PTPRM: variants seen among roughly 807,000 people sequenced by gnomAD.
PTPRM encodes the protein receptor-type tyrosine-protein phosphatase mu.
PTPRM carries 47 observed loss-of-function variants against 186.7 expected under a neutral mutation model. The observed-to-expected ratio is 0.25, with a 90% CI of 0.20 to 0.32. The LOEUF (loss-of-function observed/expected upper bound fraction) is 0.32, where lower values mean the gene tolerates loss of function less well. Ranked by LOEUF, PTPRM falls within the 10% of genes least tolerant of loss-of-function variation. The pLI is 1.00. For synonymous variants in PTPRM, 668 were observed against 674.9 expected, an observed-to-expected ratio of 0.99 and a Z score of 0.16; for missense variants, 1,494 against 1,865.0, an observed-to-expected ratio of 0.80 and a Z score of 3.66.
chr18:7,787,850 T>G (rs1568130631), intron 2 of PTPRM, among the ~76,000 whole-genome samples: 1 of 152,232 alleles, frequency 6.6e-6, no homozygotes, highest in Admixed American at 6.5e-5. Context: ...AAATTAAAAC[T>G]GAGAAAGTTT....
intron 13 of PTPRM, among the ~76,000 whole-genome samples, chr18:8,139,725 C>T (rs185128899): frequency 1.1e-4 from 17 of 152,236 alleles, no homozygotes; most frequent in African/African-American, 1.7e-4. Flanking sequence ...GGTCTCTGCT[C>T]GAATGTTATT....
chr18:8,380,345 A>C lies in PTPRM; in HGVS notation c.3836A>C (p.Asn1279Thr). Reference protein sequence around the residue: ...AFIVTQHPLPNTVKDFWRLVL... With the variant: ...AFIVTQHPLPTTVKDFWRLVL... ...ATAGTCACCCAGCATCCTTTGCCAA[A>C]CACAGTGAAAGACTTTTGGAGACTG... is the stretch of plus-strand genomic sequence containing the variant. Residue 1279 changes from asparagine to threonine, a missense_variant, in exon 29 of 33, where the codon AAC (asparagine) becomes ACC (threonine). Around this residue, in one of 3 missense-constraint regions of PTPRM, gnomAD observed 1,107 missense variants for 1,350.2 expected, o/e 0.82. Coordinates refer to ENST00000580170, the MANE Select transcript of PTPRM (RefSeq NM_001105244.2). 6.2e-7 allele frequency: 1 copy of C among 1,614,104 alleles called. No homozygotes were observed. Among genetic ancestry groups the C allele is most frequent in the Non-Finnish European group, 8.5e-7 (1 of 1,179,928 alleles).
intron 2 of PTPRM, among the ~76,000 whole-genome samples, chr18:7,791,798 T>C (rs937012379): frequency 6.6e-6 from 1 of 152,208 alleles, no homozygotes. Context: ...AAAGGAGTGC[T>C]ATCTTTAAAA....
chr18:7,912,765 C>T (rs191669832), intron 4 of PTPRM, among the ~76,000 whole-genome samples: 7 of 151,738 alleles, frequency 4.6e-5, no homozygotes, highest in African/African-American at 7.3e-5. Flanking sequence ...GTGATCCGCC[C>T]GCCTCAGCCT....
intron 14 of PTPRM, among the ~76,000 whole-genome samples, chr18:8,173,922 A>G (rs1011024419): frequency 1.3e-5 from 2 of 152,132 alleles, no homozygotes; most frequent in African/African-American, 4.8e-5. Flanking sequence ...TACAGAAGTT[A>G]GCCTGTGTGG....
At chr18:8,346,883 C>T (rs2095508206) in intron 23 of PTPRM, among the ~76,000 whole-genome samples, 1 of 152,148 alleles carries the variant, frequency 6.6e-6, no homozygotes, top group African/African-American at 2.4e-5. Flanking sequence ...CAGCCTCTCC[C>T]TCCAGGCCCA....
chr18:7,658,330 T>TATATA (rs2038899119), intron 1 of PTPRM, among the ~76,000 whole-genome samples: 4 of 124,440 alleles, frequency 3.2e-5, no homozygotes, highest in African/African-American at 1.2e-4. Flanking sequence ...TAAAGTAAAT[T>TATATA]TATATATATA....
At chr18:8,341,293 TAC>T (rs1452746939) in intron 22 of PTPRM, among the ~76,000 whole-genome samples, 1 of 152,206 alleles carries the variant, frequency 6.6e-6, no homozygotes, top group African/African-American at 2.4e-5. Context: ...TAATATGGTT[TAC>T]ACACATGCAT....
At position 8,213,199 on chromosome 18, in the gene PTPRM, T is replaced by G. The variant is rs543746707; in HGVS notation, c.2301-30859T>G. On this transcript the variant is annotated intron_variant, in intron 14 of 32. Transcript: ENST00000580170. ...TAATCACAAAAATAACAGAGGCCACTTACGCTAAGTATATTCTGTGAGGAT... is the reference window on the plus strand; with the variant it reads ...TAATCACAAAAATAACAGAGGCCACGTACGCTAAGTATATTCTGTGAGGAT... 7.9e-5 allele frequency among the ~76,000 whole-genome samples: 12 copies of G among 152,334 alleles called. No individual in the cohort carries two copies. The South Asian group carries it at 2.3e-3, about 29-fold the overall frequency.
chr18:7,662,890 A>G (rs2039011388), intron 1 of PTPRM, among the ~76,000 whole-genome samples: 1 of 152,220 alleles, frequency 6.6e-6, no homozygotes. Context: ...GAATTAAAAA[A>G]GATATATACA....
chr18:7,829,447 A>T (rs561533055), intron 2 of PTPRM, among the ~76,000 whole-genome samples: 1 of 152,340 alleles, frequency 6.6e-6, no homozygotes, highest in African/African-American at 2.4e-5. Context: ...TAGATTACTA[A>T]CTTAAAGTGA....
chr18:8,230,374 A>G (rs1403957896), intron 14 of PTPRM, among the ~76,000 whole-genome samples: 2 of 152,236 alleles, frequency 1.3e-5, no homozygotes, highest in African/African-American at 4.8e-5. Flanking sequence ...ACCTCAGTCA[A>G]CAGCTATAAA....
intron 19 of PTPRM, among the ~76,000 whole-genome samples, chr18:8,284,533 C>T (rs1234796386): frequency 6.6e-6 from 1 of 152,058 alleles, no homozygotes; most frequent in Non-Finnish European, 1.5e-5. Context: ...GGGTATAATG[C>T]CCTCCATGTA....
At chr18:7,957,644 G>A (rs1156406276) in intron 7 of PTPRM, among the ~76,000 whole-genome samples, 1 of 152,148 alleles carries the variant, frequency 6.6e-6, no homozygotes, top group African/African-American at 2.4e-5. Context: ...AGGTGGGTGA[G>A]GAAAGTGAAA....
intron 14 of PTPRM, among the ~76,000 whole-genome samples, chr18:8,189,092 G>C (rs1223039870): frequency 6.6e-6 from 1 of 152,048 alleles, no homozygotes; most frequent in Non-Finnish European, 1.5e-5. Flanking sequence ...GATCACCTGA[G>C]CCCAGAATTC....
chr18:7,894,616 A>C (rs2049259306), intron 3 of PTPRM, among the ~76,000 whole-genome samples: 1 of 151,104 alleles, frequency 6.6e-6, no homozygotes, highest in South Asian at 2.1e-4. Context: ...TATATTTTTT[A>C]ATATTTTTTT....
At chr18:7,900,360 A>G (rs2049596293) in intron 3 of PTPRM, among the ~76,000 whole-genome samples, 1 of 152,204 alleles carries the variant, frequency 6.6e-6, no homozygotes, top group Non-Finnish European at 1.5e-5. Flanking sequence ...TATAAAAACC[A>G]TCTTTAGCTT....
intron 1 of PTPRM, among the ~76,000 whole-genome samples, chr18:7,596,467 T>C (rs749443266): frequency 2.6e-4 from 40 of 152,296 alleles, no homozygotes; most frequent in Middle Eastern, 3.4e-3. Flanking sequence ...GCAGGGTGAG[T>C]ACAGTACAGT....
Position 7,742,782 on chromosome 18 carries a change from G to A in PTPRM, c.74-31367G>A, listed in dbSNP as rs570051921. 9.8e-5 allele frequency among the ~76,000 whole-genome samples: 15 copies of A among 152,294 alleles called. 1 individual carries two copies. In the East Asian group the frequency reaches 2.9e-3, roughly 29 times the overall value. ...TGGCTCTGAACACAGACTCCAGAGC[G>A]TACTTGAATCCTACCAGCCAGAAGT... On this transcript the variant is annotated intron_variant, in intron 1 of 32. Transcript: ENST00000580170.
Sources: gnomAD v4.1 joint callset for allele counts (sites outside exome capture counted in the v4.1 genomes callset) on GRCh38, gnomAD v4.1.1 for gene constraint, gnomAD v4.1.1 regional missense constraint, MANE v1.5 for transcripts, NCBI Gene and HGNC (gene_info 2026-07-23, HGNC 2026-07-21) for gene names.